AGTPBP1: variants seen among roughly 807,000 people sequenced by gnomAD.
AGTPBP1 encodes cytosolic carboxypeptidase 1.
A neutral mutation model predicts 143.9 loss-of-function variants in AGTPBP1; 70 were observed. The ratio of observed to expected loss-of-function variants is 0.49; its 90% confidence interval spans 0.40 to 0.59. The LOEUF is 0.59. Ranked by LOEUF, AGTPBP1 falls within the 20% of genes least tolerant of loss-of-function variation. AGTPBP1 has a pLI of 0.00. For missense variants in AGTPBP1, 1,229 were observed against 1,464.5 expected (o/e 0.84, Z 2.62); for synonymous variants, 463 against 500.2 (o/e 0.93, Z 0.99).
chr9:85,747,357 G>T, the AGTPBP1 span, among the ~76,000 whole-genome samples: 6 of 152,054 alleles, frequency 3.9e-5, no homozygotes, highest in African/African-American at 1.4e-4. Context: ...GCTATTCAGG[G>T]CCCCTATAAT....
chr9:85,620,177 G>C (rs961862206), intron 15 of AGTPBP1, among the ~76,000 whole-genome samples: 1 of 152,070 alleles, frequency 6.6e-6, no homozygotes, highest in Non-Finnish European at 1.5e-5. Context: ...TTGAGAGGCC[G>C]AGGTGGTCAG....
chr9:85,597,594 C>T (rs529870149), intron 17 of AGTPBP1, among the ~76,000 whole-genome samples: 197 of 152,056 alleles, frequency 1.3e-3, no homozygotes, highest in Non-Finnish European at 2.4e-3. Flanking sequence ...ACTGCTCTAA[C>T]GTTTTTTACA....
chr9:85,566,036 A>G (rs1458160953), intron 25 of AGTPBP1, among the ~76,000 whole-genome samples: 6 of 152,186 alleles, frequency 3.9e-5, no homozygotes, highest in Non-Finnish European at 8.8e-5. Context: ...GAATTTTTAA[A>G]TCTGACATAG....
At chr9:85,782,286 G>C in the AGTPBP1 span, among the ~76,000 whole-genome samples, 1 of 152,166 alleles carries the variant, frequency 6.6e-6, no homozygotes, top group Admixed American at 6.6e-5. Context: ...AGGCCAAGGC[G>C]GGTGGATCAC....
chr9:85,682,388 T>C (rs1188627913), intron 3 of AGTPBP1, among the ~76,000 whole-genome samples: 4 of 151,992 alleles, frequency 2.6e-5, no homozygotes, highest in South Asian at 2.1e-4. Context: ...ACTCTTTTCA[T>C]GGATCTAAAG....
chr9:85,799,800 T>G, the AGTPBP1 span, among the ~76,000 whole-genome samples: 1 of 152,118 alleles, frequency 6.6e-6, no homozygotes. Flanking sequence ...TTACAGGTGT[T>G]AGCCAGTGCG....
chr9:85,755,480 C>A, the AGTPBP1 span, among the ~76,000 whole-genome samples: 1 of 152,038 alleles, frequency 6.6e-6, no homozygotes, highest in African/African-American at 2.4e-5. Flanking sequence ...GGTTGACAAG[C>A]TACAATGCAA....
At chr9:85,760,598 T>C in the AGTPBP1 span, among the ~76,000 whole-genome samples, 7 of 152,114 alleles carry the variant, frequency 4.6e-5, no homozygotes, top group Non-Finnish European at 8.8e-5. Flanking sequence ...CTCAATAAAT[T>C]AGGTATTGAG....
chr9:85,661,591 C>T (rs1564117546), intron 8 of AGTPBP1, among the ~76,000 whole-genome samples: 1 of 152,000 alleles, frequency 6.6e-6, no homozygotes, highest in Non-Finnish European at 1.5e-5. Context: ...CTTACTGTCC[C>T]TTAGAGGACA....
intron 17 of AGTPBP1, among the ~76,000 whole-genome samples, chr9:85,599,803 T>C (rs1470316632): frequency 1.3e-5 from 2 of 152,216 alleles, no homozygotes; most frequent in South Asian, 2.1e-4. Flanking sequence ...CAAAAGACAT[T>C]TGGATGTCCA....
intron 17 of AGTPBP1, among the ~76,000 whole-genome samples, chr9:85,617,089 T>C (rs1342216255): frequency 6.6e-6 from 1 of 152,096 alleles, no homozygotes; most frequent in Non-Finnish European, 1.5e-5. Flanking sequence ...TGTGAAGTAA[T>C]TCTAGAGTAT....
intron 13 of AGTPBP1, among the ~76,000 whole-genome samples, chr9:85,635,885 G>GCT (rs1401265073): frequency 6.6e-6 from 1 of 151,036 alleles, no homozygotes; most frequent in East Asian, 1.9e-4. Context: ...TTAAACCTTA[G>GCT]CTCTAAGATG....
chr9:85,564,023 C>T (rs1451087851), intron 25 of AGTPBP1, among the ~76,000 whole-genome samples: 1 of 152,200 alleles, frequency 6.6e-6, no homozygotes, highest in Non-Finnish European at 1.5e-5. Context: ...ACCTAGATAT[C>T]GAAGGATGGA....
rs770025012 is a variant in AGTPBP1, at chr9:85,655,180, A to G, written c.1050T>C (p.Thr350=). Reference sequence around the variant, plus strand: ...AGCTGTAGAGCTGAGCCACAGGACCAGTCACAGGAATAACAGGCAACTGGA... The same window carrying G: ...AGCTGTAGAGCTGAGCCACAGGACCGGTCACAGGAATAACAGGCAACTGGA... ...FHFQLPVIPV[T]GPVAQLYSLP... The change falls in exon 11 of 26, where the codon ACT becomes ACC. Residue 350 remains threonine, a synonymous_variant. Transcript: ENST00000357081. The G allele has an allele frequency of 6.2e-7, 1 of 1,613,706 alleles. No homozygotes were observed. The highest frequency in any genetic ancestry group is 8.5e-7 in the Non-Finnish European group (1 of 1,179,734).
At chr9:85,790,672 TG>T in the AGTPBP1 span, among the ~76,000 whole-genome samples, 1 of 152,188 alleles carries the variant, frequency 6.6e-6, no homozygotes, top group African/African-American at 2.4e-5. Flanking sequence ...TCAACAGAAT[TG>T]GCACTATTTG....
chr9:85,770,484 C>A, the AGTPBP1 span: 237 of 1,540,144 alleles, frequency 1.5e-4, 1 homozygote, highest in Non-Finnish European at 1.8e-4. Flanking sequence ...TCAGATATTT[C>A]AATAAGGTTT....
Position 85,632,702 on chromosome 9 carries a change from A to G in AGTPBP1, c.1975T>C (p.Phe659Leu), listed in dbSNP as rs751234250. Reference protein sequence around the residue: ...PDYFGHIPPPFKEPILERPYG... With the variant: ...PDYFGHIPPPLKEPILERPYG... ...GGCCTTTCTAAAATAGGCTCTTTGA[A>G]TGGAGGCGGAATGTGACCAAAATAA... The change falls in exon 14 of 26, where the codon TTC (phenylalanine) becomes CTC (leucine). Residue 659 changes from phenylalanine to leucine, a missense_variant. By Grantham distance (22) the Phe-to-Leu change is conservative. This residue lies in a region of AGTPBP1 where 743 missense variants were observed against 812.2 expected (regional missense o/e 0.91). Coordinates refer to ENST00000357081, the MANE Select transcript of AGTPBP1 (RefSeq NM_001330701.2). The G allele has an allele frequency of 6.2e-7, 1 of 1,613,312 alleles. No homozygotes were observed. The highest frequency in any genetic ancestry group is 1.1e-5 in the South Asian group (1 of 90,974).
intron 2 of AGTPBP1, among the ~76,000 whole-genome samples, chr9:85,706,686 C>T (rs1432752441): frequency 2.0e-5 from 3 of 151,244 alleles, no homozygotes; most frequent in Non-Finnish European, 2.9e-5. Flanking sequence ...CTGGCTAACA[C>T]GGTAAAACCT....
chr9:85,803,565 T>G, the AGTPBP1 span, among the ~76,000 whole-genome samples: 2,347 of 152,316 alleles, frequency 0.015, 65 homozygotes, highest in African/African-American at 0.053. Flanking sequence ...AAGGTCCTCA[T>G]GTCAGTGCTG....
Sources: gnomAD v4.1 joint callset for allele counts (sites outside exome capture counted in the v4.1 genomes callset) on GRCh38, gnomAD v4.1.1 for gene constraint, gnomAD v4.1.1 regional missense constraint, MANE v1.5 for transcripts, NCBI Gene and HGNC (gene_info 2026-07-23, HGNC 2026-07-21) for gene names.